Variants in C7 observed in about 807,000 individuals in gnomAD.
The protein encoded by C7 is complement C7, also known as complement component C7.
C7 carries 83 observed loss-of-function variants against 104.8 expected under a neutral mutation model. The observed-to-expected ratio is 0.79, with a 90% CI of 0.66 to 0.95. The LOEUF (loss-of-function observed/expected upper bound fraction) is 0.95. Ranked by LOEUF, C7 falls within the 40% of genes least tolerant of loss-of-function variation. The pLI is 0.00. For synonymous variants in C7, 415 were observed against 360.6 expected (o/e 1.15, Z -1.71); for missense variants, 1,070 against 1,011.2 (o/e 1.06, Z -0.79).
Position 40,976,780 on chromosome 5 carries a change from G to C in C7, c.2105G>C (p.Cys702Ser), listed in dbSNP as rs201976045. 1.7e-5 allele frequency: 28 copies of C among 1,605,016 alleles called. No individual in the cohort carries two copies. The highest frequency in any genetic ancestry group is 2.4e-5 in the Non-Finnish European group (28 of 1,175,446). Residue 702 changes from cysteine (C) to serine (S), a missense_variant, in exon 16 of 18, where the codon TGT (cysteine) becomes TCT (serine). Cys to Ser is a moderately radical substitution (Grantham distance 112). Coordinates refer to ENST00000313164, the MANE Select transcript of C7 (RefSeq NM_000587.4). ...ENPLTQAVPK[C>S]QRWEKLQNSR... ...CCGTTAACACAGGCAGTGCCTAAATGTCAGCGCTGGGAGAAACTGCAGAAT... is the reference window on the plus strand; with the variant it reads ...CCGTTAACACAGGCAGTGCCTAAATCTCAGCGCTGGGAGAAACTGCAGAAT...
At chr5:40,970,327 A>AT (rs543178324) in intron 14 of C7, among the ~76,000 whole-genome samples, 35 of 150,808 alleles carry the variant, frequency 2.3e-4, no homozygotes, top group Admixed American at 9.9e-4. Flanking sequence ...TATTAGCAAG[A>AT]TTTTTTTTTT....
chr5:40,958,168 G>T lies in C7; in HGVS notation c.1396G>T (p.Ala466Ser). 1.2e-6 allele frequency: 2 copies of T among 1,613,808 alleles called. No homozygotes were observed. The highest frequency in any genetic ancestry group is 2.2e-5 in the East Asian group (1 of 44,882). The change falls in exon 11 of 18, where the codon GCT becomes TCT. Residue 466 changes from alanine (A) to serine (S), a missense_variant. Physicochemically the swap from Ala to Ser is moderately conservative, Grantham distance 99. Transcript: ENST00000313164. The stretch of plus-strand genomic sequence containing the variant: ...CCGGCCTTGTCAAAATGGTGGTTTG[G>T]CTACTGTTGAGGGGACCCATTGTCT... ...HCRPCQNGGL[A>S]TVEGTHCLCH...
At chr5:40,977,024 G>A (rs1433425540) in intron 16 of C7, among the ~76,000 whole-genome samples, 184 bp downstream of exon 16, 1 of 152,186 alleles carries the variant, frequency 6.6e-6, no homozygotes, top group African/African-American at 2.4e-5. Context: ...GACAGCCATG[G>A]CATTAAGCAG....
Position 40,926,919 on chromosome 5 carries a change from CA to C in C7, c.7-1654del, listed in dbSNP as rs200144139. 1.6e-3 allele frequency among the ~76,000 whole-genome samples: 248 copies of C among 152,036 alleles called. 3 individuals are homozygous for C. In the East Asian group the frequency reaches 0.033, roughly 20 times the overall value. The stretch of plus-strand genomic sequence containing the variant: ...AAATCTTAAAGTTCATATGGAATCA[CA>C]AAAAAACCCAAATGGCTAAGGCAAT... On this transcript the variant is annotated intron_variant, in intron 1 of 17. Transcript: ENST00000313164.
At chr5:40,968,420 C>T (rs931491429) in intron 14 of C7, among the ~76,000 whole-genome samples, 7 of 151,770 alleles carry the variant, frequency 4.6e-5, no homozygotes, top group Admixed American at 4.6e-4. Context: ...GCCACCGCAC[C>T]TGGCCTCATT....
At chr5:40,957,479 G>A (rs1561252236) in intron 10 of C7, among the ~76,000 whole-genome samples, 1 of 151,890 alleles carries the variant, frequency 6.6e-6, no homozygotes, top group Non-Finnish European at 1.5e-5. Flanking sequence ...TTTTGAGATG[G>A]AGTTTCACTC....
chr5:40,930,936 T>A (rs1402955619), intron 2 of C7, 128 bp from the exon 3 acceptor site: 1 of 702,258 alleles, frequency 1.4e-6, no homozygotes, highest in Non-Finnish European at 2.5e-6. Context: ...TTTAGGATCC[T>A]TTTAGTGTCT....
chr5:40,925,578 T>A (rs115308141), intron 1 of C7, among the ~76,000 whole-genome samples: 2,486 of 152,332 alleles, frequency 0.016, 61 homozygotes, highest in African/African-American at 0.056. Context: ...TTTATAGCAA[T>A]GCCCCAATTC....
Position 40,909,574 on chromosome 5 carries a change from C to T in C7, c.-37C>T, listed in dbSNP as rs1333218083. Reference sequence around the variant, plus strand: ...CTTACCCGGCCCTTACAGAGGAAATCTTCCTCCTCTCTTCTGCCCTGAATG... The same window carrying T: ...CTTACCCGGCCCTTACAGAGGAAATTTTCCTCCTCTCTTCTGCCCTGAATG... On this transcript the variant is annotated 5_prime_UTR_variant, in exon 1 of 18. Coordinates refer to ENST00000313164, the MANE Select transcript of C7 (RefSeq NM_000587.4). The T allele has an allele frequency of 1.3e-6, 2 of 1,552,678 alleles. No homozygotes were observed. The highest frequency in any genetic ancestry group is 1.8e-6 in the Non-Finnish European group (2 of 1,136,020).
chr5:40,952,700 T>C (rs1740200633), intron 9 of C7, among the ~76,000 whole-genome samples: 1 of 151,726 alleles, frequency 6.6e-6, no homozygotes, highest in East Asian at 1.9e-4. Flanking sequence ...TGTGTCCAAG[T>C]GTTCTCATTG....
At chr5:40,973,368 A>G (rs933265665) in intron 15 of C7, among the ~76,000 whole-genome samples, 1 of 152,212 alleles carries the variant, frequency 6.6e-6, no homozygotes, top group Non-Finnish European at 1.5e-5. Context: ...ATTTTATGTG[A>G]TATTATCTCT....
In C7 at chr5:40,972,579, C is replaced by T. The variant is rs117487879; in HGVS notation, c.2059C>T (p.Arg687Cys). Residue 687 changes from arginine (R) to cysteine (C), a missense_variant, in exon 15 of 18, where the codon CGC (arginine) becomes TGC (cysteine). By Grantham distance (180) the Arg-to-Cys change is radical. Coordinates refer to ENST00000313164, the MANE Select transcript of C7 (RefSeq NM_000587.4). ...GTGGAGTCCTGAGATGAAGAATGCC[C>T]GCTGTGTACAAAAAGGTGAGTGGCT... is the stretch of plus-strand genomic sequence containing the variant. Reference protein sequence around the residue: ...LKWSPEMKNARCVQKENPLTQ... With the variant: ...LKWSPEMKNACCVQKENPLTQ... 3.0e-5 allele frequency: 48 copies of T among 1,600,304 alleles called. No homozygotes were observed. In the East Asian group the frequency reaches 5.8e-4, roughly 19 times the overall value.
chr5:40,968,601 T>TATATATATATA (rs1283855585), intron 14 of C7, among the ~76,000 whole-genome samples: 1 of 22,684 alleles, frequency 4.4e-5, no homozygotes, highest in African/African-American at 1.9e-4. Context: ...TATATATATA[T>TATATATATATA]TTTTTTTTTT....
chr5:40,941,923 G>T (rs1739948461), intron 6 of C7, among the ~76,000 whole-genome samples: 1 of 152,208 alleles, frequency 6.6e-6, no homozygotes. Context: ...GTTCCTCTTG[G>T]AATTAGCATA....
chr5:40,967,148 C>G (rs1194497785), intron 14 of C7, among the ~76,000 whole-genome samples: 1 of 151,662 alleles, frequency 6.6e-6, no homozygotes, highest in Non-Finnish European at 1.5e-5. Flanking sequence ...TCACTGCAAC[C>G]TCCGCCTCCT....
At position 40,937,673 on chromosome 5, in the gene C7, C is replaced by T. The variant is rs776872676; in HGVS notation, c.550C>T (p.Leu184=). The T allele has an allele frequency of 6.3e-7, 1 of 1,591,250 alleles. No homozygotes were observed. Among genetic ancestry groups the T allele is most frequent in the African/African-American group, 1.3e-5 (1 of 74,634 alleles). ...TTTCTACAGGCTGAGTGGAAATGTCCTGTCCTATACATTCCAGGTACTTAC... is the reference window on the plus strand; with the variant it reads ...TTTCTACAGGCTGAGTGGAAATGTCTTGTCCTATACATTCCAGGTACTTAC... ...KDFYRLSGNV[L]SYTFQVKINN... is the part of the protein sequence containing the mutation. The change falls in exon 6 of 18, where the codon CTG becomes TTG. Residue 184 remains leucine (L), a synonymous_variant. Transcript: ENST00000313164.
intron 6 of C7, among the ~76,000 whole-genome samples, chr5:40,944,673 C>A (rs1035334142): frequency 6.6e-6 from 1 of 152,148 alleles, no homozygotes; most frequent in Admixed American, 6.6e-5. Flanking sequence ...TTTGGGGTGA[C>A]CCTTTCTTCT....
At position 40,915,845 on chromosome 5, in the gene C7, G is replaced by T. The variant is rs28642000; in HGVS notation, c.6+6229G>T. ...ACTGAAAAAAAGATACCTAATAAGA[G>T]AATGGGTTATCTAAGAAGGATAGTG... On this transcript the variant is annotated intron_variant, in intron 1 of 17. Coordinates refer to ENST00000313164, the MANE Select transcript of C7 (RefSeq NM_000587.4). Among the ~76,000 whole-genome samples the T allele has an allele frequency of 1.5e-3, 223 of 152,288 alleles. 4 individuals carry two copies. The East Asian group carries it at 0.034, about 23-fold the overall frequency.
intron 3 of C7, among the ~76,000 whole-genome samples, chr5:40,932,641 A>C (rs142272092): frequency 9.6e-4 from 146 of 152,338 alleles, no homozygotes; most frequent in Non-Finnish European, 1.6e-3. Flanking sequence ...AGCAAGTATA[A>C]TAAATAACAG....
Sources: gnomAD v4.1 joint callset for allele counts (sites outside exome capture counted in the v4.1 genomes callset) on GRCh38, gnomAD v4.1.1 for gene constraint, MANE v1.5 for transcripts, NCBI Gene and HGNC (gene_info 2026-07-23, HGNC 2026-07-21) for gene names.